Variants in VCAM1 observed in about 807,000 individuals in gnomAD.
VCAM1 encodes the protein vascular cell adhesion protein 1.
Under a neutral mutation model 63.8 loss-of-function variants are expected in VCAM1, and 41 were observed. That is an observed-to-expected ratio of 0.64 (90% CI 0.50 to 0.83). The LOEUF is 0.83. Among genes scored for constraint, VCAM1 ranks in the 40% least tolerant of loss-of-function variants. VCAM1 has a pLI of 0.00. For missense variants in VCAM1, 798 were observed against 875.5 expected (o/e 0.91, Z 1.12); for synonymous variants, 338 against 320.7 (o/e 1.05, Z -0.58).
At position 100,732,629 on chromosome 1, in the gene VCAM1, T is replaced by C. The variant is rs780684774; in HGVS notation, c.1737T>C (p.Cys579=). ...TKMEDSGVYL[C]EGINQAGRSR... is the part of the protein sequence containing the mutation. ...TGGAAGATTCTGGGGTTTATTTATG[T>C]GAAGGAATTAACCAGGCTGGAAGAA... The change falls in exon 7 of 9, where the codon TGT becomes TGC. Residue 579 remains cysteine (C), a synonymous_variant. Transcript: ENST00000294728. The C allele has an allele frequency of 1.2e-6, 2 of 1,611,266 alleles. No homozygotes were observed. Among genetic ancestry groups the C allele is most frequent in the African/African-American group, 1.3e-5 (1 of 74,766 alleles).
At chr1:100,735,624 A>G (rs1044495992) in intron 8 of VCAM1, 1 of 152,240 alleles carries the variant, frequency 6.6e-6, no homozygotes, top group African/African-American at 2.4e-5. Context: ...TTGAATCTAC[A>G]TCAGAAACAG....
At chr1:100,721,566 T>C (rs1659955289) in intron 2 of VCAM1, among the ~76,000 whole-genome samples, 1 of 152,122 alleles carries the variant, frequency 6.6e-6, no homozygotes, top group Non-Finnish European at 1.5e-5. Flanking sequence ...TACGGTCATG[T>C]CTTCATGAAG....
chr1:100,722,223 A>C (rs1659979751), intron 2 of VCAM1, among the ~76,000 whole-genome samples: 2 of 152,104 alleles, frequency 1.3e-5, no homozygotes, highest in Non-Finnish European at 2.9e-5. Flanking sequence ...CACGTGAAGT[A>C]GTGTATTTCC....
intron 8 of VCAM1, chr1:100,735,951 GA>G (rs1383670207): frequency 6.6e-6 from 1 of 152,168 alleles, no homozygotes; most frequent in Non-Finnish European, 1.5e-5. Flanking sequence ...TGAGGTTGGG[GA>G]TGATTCTGGA....
Position 100,734,011 on chromosome 1 carries a change from G to A in VCAM1, c.1793-491G>A, listed in dbSNP as rs117240392. Among the ~76,000 whole-genome samples the A allele has an allele frequency of 2.0e-5, 3 of 152,292 alleles. No homozygotes were observed. In the East Asian group the frequency reaches 5.8e-4, roughly 29 times the overall value. On this transcript the variant is annotated intron_variant, in intron 7 of 8. Transcript: ENST00000294728. ...CACAAAATGTGCAATCATGGCAGAG[G>A]AGAAAGGGAAGCAAGGCACACCTTA...
chr1:100,730,432 G>C (rs1368662373), intron 5 of VCAM1, among the ~76,000 whole-genome samples: 1 of 152,042 alleles, frequency 6.6e-6, no homozygotes, highest in Non-Finnish European at 1.5e-5. Flanking sequence ...CATTATTCTT[G>C]CCCTTGATAG....
At chr1:100,724,938 T>C (rs1432493870) in intron 4 of VCAM1, 48 bp downstream of exon 4, 5 of 1,594,880 alleles carry the variant, frequency 3.1e-6, no homozygotes, top group Non-Finnish European at 4.3e-6. Flanking sequence ...TCAGTGGGAT[T>C]TGAGCAATAG....
chr1:100,733,665 G>A (rs1660548389), intron 7 of VCAM1, among the ~76,000 whole-genome samples: 1 of 152,154 alleles, frequency 6.6e-6, no homozygotes, highest in Admixed American at 6.5e-5. Context: ...GATGTTATAT[G>A]TCAAGTACTT....
intron 4 of VCAM1, among the ~76,000 whole-genome samples, chr1:100,726,665 G>A (rs1199725770): frequency 6.6e-6 from 1 of 151,940 alleles, no homozygotes; most frequent in Non-Finnish European, 1.5e-5. Context: ...ATTCTGTTCA[G>A]TTCAACAAAT....
chr1:100,734,909 C>A, intron 8 of VCAM1, 141 bp downstream of exon 8: 1 of 1,049,086 alleles, frequency 9.5e-7, no homozygotes, highest in Non-Finnish European at 1.3e-6. Context: ...AAATCAAGCA[C>A]AGCTGCTTTA....
At chr1:100,729,915 C>T (rs949796428) in intron 5 of VCAM1, among the ~76,000 whole-genome samples, 6 of 152,032 alleles carry the variant, frequency 3.9e-5, no homozygotes, top group Admixed American at 6.6e-5. Context: ...CAGGAAGCAG[C>T]GCTAGATCTT....
chr1:100,738,309 GAC>G lies in VCAM1; in HGVS notation c.*29_*30del, dbSNP rs752918158. The G allele has an allele frequency of 6.2e-7, 1 of 1,608,182 alleles. No homozygotes were observed. The highest frequency in any genetic ancestry group is 2.2e-5 in the East Asian group (1 of 44,720). ...CTAATGCTTGATATGTTCAACTGGAGACACTATTTATCTGTGCAAATCCTTGA... is the reference window on the plus strand; with the variant it reads ...CTAATGCTTGATATGTTCAACTGGAGACTATTTATCTGTGCAAATCCTTGA... On this transcript the variant is annotated 3_prime_UTR_variant, in exon 9 of 9. Transcript: ENST00000294728.
intron 2 of VCAM1, among the ~76,000 whole-genome samples, chr1:100,721,954 A>G (rs1659968764): frequency 1.3e-5 from 2 of 152,102 alleles, no homozygotes; most frequent in South Asian, 4.1e-4. Context: ...TCTTTTGCCC[A>G]CTAGTACCAA....
intron 2 of VCAM1, 136 bp from the exon 3 acceptor site, chr1:100,722,884 G>A (rs3917008): frequency 1.0e-6 from 1 of 966,894 alleles, no homozygotes; most frequent in Non-Finnish European, 1.5e-6. Flanking sequence ...ATCATGAAAG[G>A]CTATTCAAAC....
intron 3 of VCAM1, among the ~76,000 whole-genome samples, chr1:100,724,122 G>A (rs1660072728): frequency 6.6e-6 from 1 of 152,080 alleles, no homozygotes; most frequent in Admixed American, 6.6e-5. Flanking sequence ...TTGAAAGACA[G>A]TTATATGAAA....
chr1:100,724,000 G>A (rs1660065002), intron 3 of VCAM1, among the ~76,000 whole-genome samples: 1 of 152,070 alleles, frequency 6.6e-6, no homozygotes, highest in East Asian at 1.9e-4. Context: ...TTAGCTGAAA[G>A]AGAATGAGCT....
Position 100,738,270 on chromosome 1 carries a change from A to G in VCAM1, c.2207A>G (p.Lys736Arg), listed in dbSNP as rs1263192817. ...KGSYSLVEAQ[K>R]SKV Reference sequence around the variant, plus strand: ...TCATATAGTCTTGTAGAAGCACAGAAGTCAAAAGTGTAGCTAATGCTTGAT... The same window carrying G: ...TCATATAGTCTTGTAGAAGCACAGAGGTCAAAAGTGTAGCTAATGCTTGAT... Residue 736 changes from lysine (K) to arginine (R), a missense_variant, in exon 9 of 9, where the codon AAG (lysine) becomes AGG (arginine). Transcript: ENST00000294728. 1 of 1,613,252 alleles carries G rather than the reference A, an allele frequency of 6.2e-7. No homozygotes were observed. The highest frequency in any genetic ancestry group is 8.5e-7 in the Non-Finnish European group (1 of 1,179,584).
Position 100,724,764 on chromosome 1 carries a change from C to T in VCAM1, c.802C>T (p.Gln268Ter), listed in dbSNP as rs1388306696. 3 of 1,612,908 alleles carry T rather than the reference C, an allele frequency of 1.9e-6. No homozygotes were observed. The highest frequency in any genetic ancestry group is 2.5e-6 in the Non-Finnish European group (3 of 1,179,446). ...TAAGAAATTAGATAATGGGAATCTA[C>T]AGCACCTTTCTGGAAATGCAACTCT... ...WSKKLDNGNL[Q>*]HLSGNATLTL... The change falls in exon 4 of 9, where the codon CAG (glutamine) becomes TAG (stop). Residue 268 changes from glutamine to a stop codon, truncating the protein, a stop_gained. Transcript: ENST00000294728. LOFTEE classifies it high-confidence loss of function.
chr1:100,727,630 TAA>T (rs1330497905), intron 4 of VCAM1, among the ~76,000 whole-genome samples: 1 of 152,072 alleles, frequency 6.6e-6, no homozygotes, highest in African/African-American at 2.4e-5. Flanking sequence ...TTCAGCTACC[TAA>T]AAGAGTTACT....
Sources: gnomAD v4.1 joint callset for allele counts (sites outside exome capture counted in the v4.1 genomes callset) on GRCh38, gnomAD v4.1.1 for gene constraint, MANE v1.5 for transcripts, NCBI Gene and HGNC (gene_info 2026-07-23, HGNC 2026-07-21) for gene names.